CHM: variants seen among roughly 807,000 people sequenced by gnomAD.
The protein encoded by CHM is rab proteins geranylgeranyltransferase component A 1.
CHM carries 10 observed loss-of-function variants against 49.0 expected under a neutral mutation model. That is an observed-to-expected ratio of 0.20 (90% CI 0.13 to 0.35). The LOEUF (loss-of-function observed/expected upper bound fraction) is 0.35. Among genes scored for constraint, CHM ranks in the 10% least tolerant of loss-of-function variants. The pLI is 1.00. For synonymous variants in CHM, 184 were observed against 167.5 expected, an observed-to-expected ratio of 1.10 and a Z score of -0.76; for missense variants, 455 against 478.4, an observed-to-expected ratio of 0.95 and a Z score of 0.46.
intron 8 of CHM, among the ~76,000 whole-genome samples, chrX:85,933,978 G>T: frequency 9.1e-6 from 1 of 109,611 alleles, no homozygotes; most frequent in African/African-American, 3.3e-5. Context: ...GTTGAAATTA[G>T]CTTTTTTTTT....
intron 13 of CHM, among the ~76,000 whole-genome samples, chrX:85,878,255 G>A (rs916667889): frequency 6.3e-5 from 7 of 111,478 alleles, no homozygotes; most frequent in Non-Finnish European, 1.1e-4. Flanking sequence ...GGAGGTGGGC[G>A]GATCACCTGA....
Position 85,861,789 on chromosome X carries a change from G to A in CHM, c.*2841C>T, listed in dbSNP as rs751396782. 2 of 111,372 alleles carry A rather than the reference G, an allele frequency of 1.8e-5. No individual in the cohort carries two copies. Among genetic ancestry groups the A allele is most frequent in the South Asian group, 7.5e-4 (2 of 2,682 alleles). 9.2% of individuals were successfully genotyped at this position (111,372 alleles called of 1,213,427 possible). On this transcript the variant is annotated 3_prime_UTR_variant, in exon 15 of 15. Coordinates refer to ENST00000357749, the MANE Select transcript of CHM (RefSeq NM_000390.4). The stretch of plus-strand genomic sequence containing the variant: ...TATTATCATTTTCGGTTAATAAGAA[G>A]CATGCATAACTAAACAGTTTAAATA...
intron 2 of CHM, among the ~76,000 whole-genome samples, chrX:85,994,835 T>C (rs1932365214): frequency 8.9e-6 from 1 of 111,761 alleles, no homozygotes; most frequent in Non-Finnish European, 1.9e-5. Flanking sequence ...TCTTTATTTT[T>C]GAAAGAGGAA....
At chrX:85,970,175 G>C (rs934917995) in intron 4 of CHM, 1 of 472,202 alleles carries the variant, frequency 2.1e-6, no homozygotes, top group African/African-American at 2.6e-5. Flanking sequence ...ATGTTTATAT[G>C]TACCAAAACA....
rs1389592814 is a variant in CHM, at chrX:85,969,020, C to T, written c.315-4968G>A. 12 of 577,504 alleles carry T rather than the reference C, an allele frequency of 2.1e-5. No individual in the cohort carries two copies. The Admixed American group carries it at 2.7e-4, about 13-fold the overall frequency. 47.6% of individuals were successfully genotyped at this position (577,504 alleles called of 1,213,427 possible). A position where few individuals can be genotyped will look rare whatever the true frequency, so the allele number is the denominator to read the frequency against. Reference sequence around the variant, plus strand: ...CATCTAAATTAGAAGTATTAGTGTTCGAGAAGCTCCTGTTGCTTGTATAAT... The same window carrying T: ...CATCTAAATTAGAAGTATTAGTGTTTGAGAAGCTCCTGTTGCTTGTATAAT... On this transcript the variant is annotated intron_variant, in intron 4 of 14. Transcript: ENST00000357749.
At chrX:85,947,016 C>T (rs1429304193) in intron 8 of CHM, among the ~76,000 whole-genome samples, 1 of 112,386 alleles carries the variant, frequency 8.9e-6, no homozygotes, top group Non-Finnish European at 1.9e-5. Flanking sequence ...AATACTTAAA[C>T]CCCCATTGTA....
chrX:85,930,715 C>G (rs1300545390), intron 8 of CHM, among the ~76,000 whole-genome samples: 5 of 111,642 alleles, frequency 4.5e-5, no homozygotes, highest in Middle Eastern at 9.4e-3. Context: ...CACAAAGAGA[C>G]AGAGAGACGC....
chrX:85,946,381 G>A (rs959943988), intron 8 of CHM, among the ~76,000 whole-genome samples: 5 of 111,545 alleles, frequency 4.5e-5, no homozygotes, highest in Non-Finnish European at 9.4e-5. Context: ...GGGCTAGAAA[G>A]AAATGGTTTC....
intron 11 of CHM, among the ~76,000 whole-genome samples, chrX:85,896,137 C>T (rs1333930049): frequency 2.3e-5 from 2 of 87,144 alleles, no homozygotes; most frequent in Non-Finnish European, 4.4e-5. Flanking sequence ...TACTGCACAA[C>T]TCAAAAAAAA....
At chrX:86,010,935 TG>T (rs1394609926) in intron 2 of CHM, among the ~76,000 whole-genome samples, 1 of 111,724 alleles carries the variant, frequency 9.0e-6, no homozygotes, top group Non-Finnish European at 1.9e-5. Context: ...GACTTCCATC[TG>T]AACTACCATA....
chrX:86,014,116 T>C (rs1338749779), intron 2 of CHM, among the ~76,000 whole-genome samples: 1 of 111,416 alleles, frequency 9.0e-6, no homozygotes, highest in Non-Finnish European at 1.9e-5. Flanking sequence ...GCTGAGGAAA[T>C]TACTCAGAAT....
intron 2 of CHM, among the ~76,000 whole-genome samples, chrX:85,999,020 A>G (rs1297200621): frequency 9.0e-6 from 1 of 111,607 alleles, no homozygotes; most frequent in Non-Finnish European, 1.9e-5. Flanking sequence ...AACAAAAAAC[A>G]ACTACAGAGA....
chrX:85,986,871 C>CT, intron 2 of CHM, among the ~76,000 whole-genome samples: 2 of 110,842 alleles, frequency 1.8e-5, no homozygotes, highest in Admixed American at 1.9e-4. Flanking sequence ...AAATGAAAAT[C>CT]TTTGAGATTC....
chrX:86,010,212 G>T (rs1200928731), intron 2 of CHM, among the ~76,000 whole-genome samples: 1 of 89,718 alleles, frequency 1.1e-5, no homozygotes, highest in African/African-American at 4.2e-5. Context: ...GGGGGTGGGG[G>T]GGGCTGGAGG....
intron 2 of CHM, chrX:86,019,735 G>C (rs1933459886): frequency 8.9e-6 from 1 of 111,764 alleles, no homozygotes; most frequent in Non-Finnish European, 1.9e-5. Context: ...TAAAAAATGA[G>C]TGCATAGTTA....
chrX:85,951,455 A>C (rs1048806584), intron 8 of CHM, among the ~76,000 whole-genome samples: 8 of 111,607 alleles, frequency 7.2e-5, no homozygotes, highest in Non-Finnish European at 1.5e-4. Flanking sequence ...CTCCCAAAAA[A>C]AGCTAAGCAT....
chrX:85,996,147 T>C (rs1408450937), intron 2 of CHM, among the ~76,000 whole-genome samples: 1 of 111,885 alleles, frequency 8.9e-6, no homozygotes, highest in Non-Finnish European at 1.9e-5. Flanking sequence ...GTAAAGAAAA[T>C]ATAAACTAAC....
intron 2 of CHM, among the ~76,000 whole-genome samples, chrX:86,021,147 TATATATATATAC>T (rs1933575382): frequency 5.6e-5 from 3 of 53,492 alleles, no homozygotes; most frequent in Non-Finnish European, 9.5e-5. Flanking sequence ...TATATATATA[TATATATATATAC>T]ACGTATATAT....
chrX:86,041,625 T>C (rs939032861), intron 1 of CHM, among the ~76,000 whole-genome samples: 14 of 106,157 alleles, frequency 1.3e-4, no homozygotes, highest in African/African-American at 4.4e-4. Flanking sequence ...CTGATCAATA[T>C]ACTCTATGCT....
Sources: allele counts gnomAD v4.1 joint callset (sites outside exome capture counted in the v4.1 genomes callset), GRCh38; gene constraint gnomAD v4.1.1; transcripts MANE v1.5; gene names NCBI Gene and HGNC (gene_info 2026-07-23, HGNC 2026-07-21).